WDR62: variants seen among roughly 807,000 people sequenced by gnomAD.
WDR62 encodes the protein WD repeat-containing protein 62.
In WDR62, 112 loss-of-function variants were observed where a neutral mutation model predicts 160.6. The ratio of observed to expected loss-of-function variants is 0.70; its 90% CI spans 0.60 to 0.82. The LOEUF is 0.82. WDR62 is among the 40% of genes least tolerant of loss of function. The pLI is 0.00. For missense variants in WDR62, 1,819 were observed against 1,983.8 expected (o/e 0.92, Z 1.58); for synonymous variants, 792 against 815.1 (o/e 0.97, Z 0.48).
intron 7 of WDR62, among the ~76,000 whole-genome samples, chr19:36,069,289 G>A (rs940874747): frequency 6.6e-6 from 1 of 152,102 alleles, no homozygotes; most frequent in African/African-American, 2.4e-5. Context: ...CGGCTGCCGG[G>A]CGGAGGGGCT....
At position 36,055,142 on chromosome 19, in the gene WDR62, G is replaced by A; in HGVS notation, c.171G>A (p.Gln57=). 6.2e-7 allele frequency: 1 copy of A among 1,607,962 alleles called. No homozygotes were observed. The highest frequency in any genetic ancestry group is 1.7e-4 in the Middle Eastern group (1 of 6,046). ...CGACGGCCTCCGAGGAGACGGTGCA[G>A]AACCGGGTGAGAAGCTGCTCGCCAT... The part of the protein sequence containing the change: ...RLSTASEETV[Q]NRVSLEKVLG... The change falls in exon 1 of 32, where the codon CAG becomes CAA. Residue 57 remains glutamine (Q), a synonymous_variant. Coordinates refer to ENST00000401500, the MANE Select transcript of WDR62 (RefSeq NM_001083961.2).
intron 22 of WDR62, 55 bp downstream of exon 22, chr19:36,099,672 G>T: frequency 6.3e-7 from 1 of 1,582,496 alleles, no homozygotes; most frequent in South Asian, 1.1e-5. Flanking sequence ...ACGGCCCCAG[G>T]GCCTGGCGCC....
intron 9 of WDR62, 94 bp from the exon 10 acceptor site, chr19:36,081,339 C>G (rs1442928108): frequency 3.3e-6 from 5 of 1,492,950 alleles, no homozygotes; most frequent in Non-Finnish European, 4.7e-6. Flanking sequence ...ACCTGTTTAT[C>G]TTTAACTTAC....
At chr19:36,063,571 T>C (rs891016184) in intron 3 of WDR62, among the ~76,000 whole-genome samples, 1 of 152,202 alleles carries the variant, frequency 6.6e-6, no homozygotes, top group African/African-American at 2.4e-5. Flanking sequence ...CTGAGGATTG[T>C]AGACGAGGTA....
At position 36,102,073 on chromosome 19, in the gene WDR62, A is replaced by C; in HGVS notation, c.3142A>C (p.Ser1048Arg). 1 of 1,614,152 alleles carries C rather than the reference A, an allele frequency of 6.2e-7. No homozygotes were observed. The highest frequency in any genetic ancestry group is 8.5e-7 in the Non-Finnish European group (1 of 1,180,014). The change falls in exon 26 of 32, where the codon AGC becomes CGC. Residue 1048 changes from serine (S) to arginine (R), a missense_variant. Coordinates refer to ENST00000401500, the MANE Select transcript of WDR62 (RefSeq NM_001083961.2). ...SLPEGPSVPS[S>R]SLPQTPEQEK... ...GCCCGAGGGACCCAGCGTCCCCAGC[A>C]GCTCCCTACCCCAGACTCCGGAGCA...
chr19:36,065,805 C>T (rs986096230), intron 3 of WDR62, among the ~76,000 whole-genome samples, 153 bp from the exon 4 acceptor site: 4 of 152,240 alleles, frequency 2.6e-5, no homozygotes, highest in Non-Finnish European at 5.9e-5. Context: ...ACCAGCGGCA[C>T]TGGCTCTGTG....
At chr19:36,080,236 T>C (rs1971815058) in intron 9 of WDR62, among the ~76,000 whole-genome samples, 1 of 150,884 alleles carries the variant, frequency 6.6e-6, no homozygotes. Context: ...GCCTCCTGAG[T>C]AGCTGGGACT....
At chr19:36,110,377 A>G in the WDR62 span, among the ~76,000 whole-genome samples, 1 of 152,132 alleles carries the variant, frequency 6.6e-6, no homozygotes, top group African/African-American at 2.4e-5. Context: ...AGGCTGAGGC[A>G]GGAGAATCGT....
chr19:36,079,974 G>A (rs79209711), intron 9 of WDR62, among the ~76,000 whole-genome samples: 4,090 of 152,138 alleles, frequency 0.027, 88 homozygotes, highest in Non-Finnish European at 0.038. Context: ...TCAATCTTCC[G>A]TATTTTGAAA....
intron 9 of WDR62, among the ~76,000 whole-genome samples, chr19:36,076,440 C>A (rs1465626640): frequency 3.3e-5 from 5 of 151,940 alleles, no homozygotes; most frequent in African/African-American, 9.7e-5. Context: ...CGCCTGTAGT[C>A]CTAGCTACTT....
At chr19:36,098,993 G>A (rs1162839077) in intron 21 of WDR62, among the ~76,000 whole-genome samples, 3 of 152,048 alleles carry the variant, frequency 2.0e-5, no homozygotes, top group South Asian at 2.1e-4. Context: ...AAGCCGAGGC[G>A]GGCGGATCAC....
chr19:36,086,693 C>T lies in WDR62; in HGVS notation c.1649C>T (p.Thr550Ile). The T allele has an allele frequency of 6.2e-7, 1 of 1,601,456 alleles. No individual in the cohort carries two copies. Residue 550 changes from threonine (T) to isoleucine (I), a missense_variant, in exon 13 of 32, where the codon ACC (threonine) becomes ATC (isoleucine). Physicochemically the swap from Thr to Ile is moderately conservative, Grantham distance 89. Coordinates refer to ENST00000401500, the MANE Select transcript of WDR62 (RefSeq NM_001083961.2). ...LEYSKPETGLTLLASASRDRL... is the reference protein window; with the variant it reads ...LEYSKPETGLILLASASRDRL... ...TCATTCTCTCCTCTCACAGGGCTGA[C>T]CTTGCTGGCCTCAGCCAGTCGGGAC...
At chr19:36,075,550 A>G (rs1486023436) in intron 9 of WDR62, 1 of 151,948 alleles carries the variant, frequency 6.6e-6, no homozygotes, top group African/African-American at 2.4e-5. Context: ...CGTTCAAACA[A>G]TTCTCCTGCC....
chr19:36,063,745 G>T (rs941055494), intron 3 of WDR62, among the ~76,000 whole-genome samples: 11 of 152,198 alleles, frequency 7.2e-5, no homozygotes, highest in Admixed American at 1.3e-4. Context: ...GGAGCACTTG[G>T]CCAAGGTGTT....
chr19:36,091,016 C>G (rs948312140), intron 16 of WDR62, among the ~76,000 whole-genome samples, 184 bp from the exon 17 acceptor site: 1 of 152,252 alleles, frequency 6.6e-6, no homozygotes, highest in Non-Finnish European at 1.5e-5. Flanking sequence ...TAGCACAGGG[C>G]CTGGCTACTG....
chr19:36,078,843 A>C (rs1971731150), intron 9 of WDR62, among the ~76,000 whole-genome samples: 1 of 151,406 alleles, frequency 6.6e-6, no homozygotes, highest in Admixed American at 6.6e-5. Flanking sequence ...CAAAAAAAAA[A>C]AAAAAAACAA....
chr19:36,062,649 CAAAAAAAAAAAAA>C (rs1167386837), intron 3 of WDR62: 1 of 39,478 alleles, frequency 2.5e-5, no homozygotes, highest in Admixed American at 3.8e-4. Flanking sequence ...GAGTCCGTCT[CAAAAAAAAAAAAA>C]AAAAAAAAAA....
In WDR62 at chr19:36,091,431, G is replaced by T; in HGVS notation, c.2176G>T (p.Asp726Tyr). 1 of 1,588,456 alleles carries T rather than the reference G, an allele frequency of 6.3e-7. No individual in the cohort carries two copies. Among genetic ancestry groups the T allele is most frequent in the South Asian group, 1.1e-5 (1 of 90,568 alleles). Residue 726 changes from aspartate to tyrosine, a missense_variant, in exon 18 of 32, where the codon GAC (aspartate) becomes TAC (tyrosine). By Grantham distance (160) the Asp-to-Tyr change is radical (BLOSUM62 -3). This residue lies in a region of WDR62 where 934 missense variants were observed against 1,157.2 expected (regional missense o/e 0.81). Coordinates refer to ENST00000401500, the MANE Select transcript of WDR62 (RefSeq NM_001083961.2). ...TATTACCAGCATGAAGTTCACCTAT[G>T]ACTGTCATCACTTGATCACAGTATC... Reference protein sequence around the residue: ...EIITSMKFTYDCHHLITVSGD... With the variant: ...EIITSMKFTYYCHHLITVSGD...
At position 36,103,447 on chromosome 19, in the gene WDR62, C is replaced by T. The variant is rs1352417754; in HGVS notation, c.3619C>T (p.Gln1207Ter). The change falls in exon 30 of 32, where the codon CAG becomes TAG. Residue 1207 changes from glutamine (Q) to a stop codon, truncating the protein, a stop_gained. Transcript: ENST00000401500. LOFTEE classifies it high-confidence loss of function. Reference sequence around the variant, plus strand: ...ATCTGCACCCACCCCAGGCCTGGCTCAGGGTGTCCATGCCCCCTCCACCTG... The same window carrying T: ...ATCTGCACCCACCCCAGGCCTGGCTTAGGGTGTCCATGCCCCCTCCACCTG... Reference protein sequence around the residue: ...PTSAPTPGLAQGVHAPSTCSY... With the variant: ...PTSAPTPGLA 6.2e-7 allele frequency: 1 copy of T among 1,614,150 alleles called. No homozygotes were observed.
Sources: allele counts gnomAD v4.1 joint callset (sites outside exome capture counted in the v4.1 genomes callset), GRCh38; gene constraint gnomAD v4.1.1; regional missense constraint gnomAD v4.1.1; transcripts MANE v1.5; gene names NCBI Gene and HGNC (gene_info 2026-07-23, HGNC 2026-07-21).